NLGN4X: variants seen among roughly 807,000 people sequenced by gnomAD.
NLGN4X encodes neuroligin 4 X-linked.
NLGN4X carries 3 observed loss-of-function variants against 40.3 expected under a neutral mutation model. The ratio of observed to expected loss-of-function variants is 0.07; its 90% CI spans 0.03 to 0.19. NLGN4X has a LOEUF of 0.19. Ranked by LOEUF, NLGN4X falls within the 10% of genes least tolerant of loss-of-function variation. NLGN4X has a pLI of 1.00. For synonymous variants in NLGN4X, 270 were observed against 306.8 expected, an observed-to-expected ratio of 0.88 and a Z score of 1.25; for missense variants, 382 against 708.3, an observed-to-expected ratio of 0.54 and a Z score of 5.23.
At chrX:5,941,953 T>C (rs1186693213) in intron 3 of NLGN4X, among the ~76,000 whole-genome samples, 1 of 111,970 alleles carries the variant, frequency 8.9e-6, no homozygotes, top group Non-Finnish European at 1.9e-5. Flanking sequence ...TTGAGTCTTT[T>C]AAATTAAAAA....
chrX:5,969,386 A>G (rs2034942813), intron 3 of NLGN4X, among the ~76,000 whole-genome samples: 1 of 111,889 alleles, frequency 8.9e-6, no homozygotes, highest in African/African-American at 3.2e-5. Context: ...CACTTCTCAA[A>G]AGAAGACATT....
At chrX:6,130,201 A>T (rs147753725) in intron 2 of NLGN4X, among the ~76,000 whole-genome samples, 2,044 of 111,926 alleles carry the variant, frequency 0.018, 29 homozygotes, top group African/African-American at 0.063. Flanking sequence ...AATCTTTAAA[A>T]TATTCCCCAT....
chrX:6,014,435 C>A (rs746702480), intron 3 of NLGN4X, among the ~76,000 whole-genome samples: 1 of 111,653 alleles, frequency 9.0e-6, no homozygotes, highest in South Asian at 3.8e-4. Flanking sequence ...GATAATAAAT[C>A]TGCATTGCTT....
At chrX:5,929,144 C>T (rs1015741775) in intron 3 of NLGN4X, among the ~76,000 whole-genome samples, 3 of 111,523 alleles carry the variant, frequency 2.7e-5, no homozygotes, top group Non-Finnish European at 3.8e-5. Context: ...TTTAAATAGA[C>T]TTTGCTAAAT....
In NLGN4X at chrX:6,151,226, G is replaced by T. The variant is rs1245032090; in HGVS notation, c.241C>A (p.Pro81Thr). 8.3e-7 allele frequency: 1 copy of T among 1,208,965 alleles called. No individual in the cohort carries two copies. The highest frequency in any genetic ancestry group is 1.8e-5 in the African/African-American group (1 of 57,005). The change falls in exon 2 of 6, where the codon CCC becomes ACC. Residue 81 changes from proline (P) to threonine (T), a missense_variant. Pro to Thr is a conservative substitution (Grantham distance 38). This residue lies in a region of NLGN4X where 115 missense variants were observed against 149.6 expected (regional missense o/e 0.77). Coordinates refer to ENST00000381095, the MANE Select transcript of NLGN4X (RefSeq NM_181332.3). ...TGAAACCGCCTCTCTCCAGTGGGGG[G>T]TGAGGCATAGGGGACCCCTAAGTAC... ...EQYLGVPYASPPTGERRFQPP... is the reference protein window; with the variant it reads ...EQYLGVPYASTPTGERRFQPP...
intron 2 of NLGN4X, among the ~76,000 whole-genome samples, chrX:6,122,006 G>A (rs904822065): frequency 3.6e-5 from 4 of 112,428 alleles, no homozygotes; most frequent in Admixed American, 2.8e-4. Flanking sequence ...TCAGGCTGGC[G>A]AAATCTCTCA....
chrX:6,047,516 G>A (rs1014778506), intron 2 of NLGN4X, among the ~76,000 whole-genome samples: 12 of 111,526 alleles, frequency 1.1e-4, no homozygotes, highest in African/African-American at 3.6e-4. Context: ...GGATGATGGA[G>A]TAGGAAGATG....
chrX:5,903,012 C>T, intron 5 of NLGN4X, 65 bp downstream of exon 5: 7 of 1,170,859 alleles, frequency 6.0e-6, no homozygotes, highest in East Asian at 3.0e-5. Flanking sequence ...GTAGAAGCAA[C>T]ACCTATATTG....
At chrX:6,127,429 T>G (rs759495116) in intron 2 of NLGN4X, among the ~76,000 whole-genome samples, 1 of 111,986 alleles carries the variant, frequency 8.9e-6, no homozygotes, top group Admixed American at 9.4e-5. Context: ...GCCAACATGG[T>G]GAAACCCCAT....
intron 2 of NLGN4X, among the ~76,000 whole-genome samples, chrX:6,126,047 T>C (rs1225662905): frequency 9.0e-6 from 1 of 111,174 alleles, no homozygotes; most frequent in Non-Finnish European, 1.9e-5. Flanking sequence ...TATTTAAAAA[T>C]ATATTAATTT....
At position 6,190,868 on chromosome X, in the gene NLGN4X, C is replaced by T. The variant is rs770355333; in HGVS notation, c.-306+37673G>A. On this transcript the variant is annotated intron_variant, in intron 1 of 5. Transcript: ENST00000381095. ...TTTACTCTAGAAGAAAATGGACTTC[C>T]GGTGAGCAGTGCAGCCAAGGGTGAA... 5.2e-4 allele frequency among the ~76,000 whole-genome samples: 58 copies of T among 111,412 alleles called. 1 individual carries two copies. Among genetic ancestry groups the T allele is most frequent in the Admixed American group, 2.9e-4 (3 of 10,485 alleles).
intron 2 of NLGN4X, among the ~76,000 whole-genome samples, chrX:6,103,156 T>A (rs930056355): frequency 8.9e-6 from 1 of 111,901 alleles, no homozygotes; most frequent in African/African-American, 3.2e-5. Context: ...AGATACTAAT[T>A]GAGATGAGGT....
chrX:5,892,729 T>C lies in NLGN4X; in HGVS notation c.*88A>G. The C allele has an allele frequency of 4.4e-6, 5 of 1,139,495 alleles. No homozygotes were observed. The highest frequency in any genetic ancestry group is 5.9e-6 in the Non-Finnish European group (5 of 842,296). The allele number at this position is 1,139,495 out of a possible 1,213,427, so 93.9% of individuals were successfully genotyped here. ...ACATTCCTGGTCTGGAGACTTTCTT[T>C]CTCTCTCTCTTTCCTTCTCTCTTTC... On this transcript the variant is annotated 3_prime_UTR_variant, in exon 6 of 6. Transcript: ENST00000381095.
At chrX:6,073,846 T>C (rs915274426) in intron 2 of NLGN4X, among the ~76,000 whole-genome samples, 1 of 110,395 alleles carries the variant, frequency 9.1e-6, no homozygotes, top group Non-Finnish European at 1.9e-5. Context: ...GAATTTTTTT[T>C]AATGTGGGAT....
intron 3 of NLGN4X, among the ~76,000 whole-genome samples, chrX:5,919,794 A>G (rs1376455365): frequency 8.9e-6 from 1 of 112,015 alleles, no homozygotes; most frequent in Non-Finnish European, 1.9e-5. Flanking sequence ...CCGTGAAATC[A>G]GTCCCTGGTG....
rs1231201368 is a variant in NLGN4X, at chrX:5,918,154, G to GTT, written c.626-8917_626-8916dup. Among the ~76,000 whole-genome samples the GTT allele has an allele frequency of 4.0e-5, 4 of 100,621 alleles. No individual in the cohort carries two copies. In the Admixed American group the frequency reaches 4.3e-4, roughly 11 times the overall value. 87.4% of individuals were successfully genotyped at this position (100,621 alleles called of 115,157 possible). A position where few individuals can be genotyped will look rare whatever the true frequency, so the allele number is the denominator to read the frequency against. On this transcript the variant is annotated intron_variant, in intron 3 of 5. Coordinates refer to ENST00000381095, the MANE Select transcript of NLGN4X (RefSeq NM_181332.3). ...GATATCTTGAAAAATTACAGAAAAGGTTTTTTTTTTTTTATTTACGTTTTC... is the reference window on the plus strand; with the variant it reads ...GATATCTTGAAAAATTACAGAAAAGGTTTTTTTTTTTTTTTATTTACGTTTTC...
chrX:6,177,154 TTTTG>T (rs1031851983), intron 1 of NLGN4X, among the ~76,000 whole-genome samples: 41 of 111,582 alleles, frequency 3.7e-4, no homozygotes, highest in African/African-American at 1.3e-3. Flanking sequence ...CATCATTGCT[TTTTG>T]TTTGATTGTT....
chrX:6,196,578 A>AAAAAAAAAAT, intron 1 of NLGN4X, among the ~76,000 whole-genome samples: 1 of 100,868 alleles, frequency 9.9e-6, no homozygotes, highest in Non-Finnish European at 2.0e-5. Context: ...AAAAAAAAAA[A>AAAAAAAAAAT]AAAGTGTCTC....
intron 3 of NLGN4X, among the ~76,000 whole-genome samples, chrX:5,955,328 A>G (rs886285552): frequency 8.9e-6 from 1 of 112,335 alleles, no homozygotes; most frequent in African/African-American, 3.2e-5. Context: ...ATCACCAATG[A>G]GAATTCCAAA....
Sources: allele counts gnomAD v4.1 joint callset (sites outside exome capture counted in the v4.1 genomes callset), GRCh38; gene constraint gnomAD v4.1.1; regional missense constraint gnomAD v4.1.1; transcripts MANE v1.5; gene names NCBI Gene and HGNC (gene_info 2026-07-23, HGNC 2026-07-21).